The following PCDH15 variants were observed in gnomAD, a reference collection of about 807,000 sequenced individuals.
The protein encoded by PCDH15 is protocadherin related 15, also known as protocadherin-15.
Under a neutral mutation model 178.5 loss-of-function variants are expected in PCDH15, and 129 were observed. The observed-to-expected ratio is 0.72, with a 90% confidence interval of 0.63 to 0.84. The LOEUF is 0.84. Among genes scored for constraint, PCDH15 ranks in the 40% least tolerant of loss-of-function variants. PCDH15 has a pLI of 0.00. For synonymous variants in PCDH15, 800 were observed against 732.0 expected (o/e 1.09, Z -1.50); for missense variants, 2,230 against 2,099.9 (o/e 1.06, Z -1.21).
In PCDH15 at chr10:54,242,187, T is replaced by TAC. The variant is rs71007827; in HGVS notation, c.877-5258_877-5257dup. Among the ~76,000 whole-genome samples, 714 of 76,704 alleles carry TAC rather than the reference T, an allele frequency of 9.3e-3. 32 individuals carry two copies. The highest frequency in any genetic ancestry group is 0.027 in the Middle Eastern group (3 of 112). 50.3% of individuals were successfully genotyped at this position (76,704 alleles called of 152,430 possible). A position where few individuals can be genotyped will look rare whatever the true frequency, so the allele number is the denominator to read the frequency against. On this transcript the variant is annotated intron_variant, in intron 8 of 37. Transcript: ENST00000644397. ...ATATATATATATATATATATATATA[T>TAC]ACACACACACACATACATACATACA...
chr10:55,334,802 A>T (rs1844335307), intron 2 of PCDH15, among the ~76,000 whole-genome samples: 1 of 152,292 alleles, frequency 6.6e-6, no homozygotes, highest in South Asian at 2.1e-4. Flanking sequence ...ACATTTTTAA[A>T]ACATGGCTCT....
intron 1 of PCDH15, among the ~76,000 whole-genome samples, chr10:55,290,351 T>G (rs1176212446): frequency 6.7e-6 from 1 of 150,304 alleles, no homozygotes; most frequent in Non-Finnish European, 1.5e-5. Flanking sequence ...GGGATAATGT[T>G]TAGAGATCAC....
chr10:55,477,969 A>G (rs1459840338), intron 2 of PCDH15, among the ~76,000 whole-genome samples: 1 of 151,880 alleles, frequency 6.6e-6, no homozygotes, highest in African/African-American at 2.4e-5. Context: ...ACACAAATAG[A>G]CTGAAATTGA....
intron 2 of PCDH15, among the ~76,000 whole-genome samples, chr10:54,953,883 GTTTC>G (rs1208413979): frequency 6.6e-6 from 1 of 150,836 alleles, no homozygotes; most frequent in Non-Finnish European, 1.5e-5. Flanking sequence ...TATTATCTAA[GTTTC>G]TTTCTAGCAT....
chr10:54,088,564 A>G (rs1172028995), intron 16 of PCDH15, among the ~76,000 whole-genome samples: 1 of 152,166 alleles, frequency 6.6e-6, no homozygotes, highest in African/African-American at 2.4e-5. Flanking sequence ...GACCCAATTT[A>G]TCAATTTTAT....
intron 8 of PCDH15, among the ~76,000 whole-genome samples, chr10:54,257,405 T>TC (rs1163711942): frequency 1.4e-5 from 2 of 146,540 alleles, no homozygotes; most frequent in Non-Finnish European, 1.5e-5. Context: ...ATTGTCTTCT[T>TC]TTTTTTTTTT....
At chr10:55,217,714 T>A (rs1380406185) in intron 1 of PCDH15, among the ~76,000 whole-genome samples, 1 of 151,922 alleles carries the variant, frequency 6.6e-6, no homozygotes, top group Non-Finnish European at 1.5e-5. Context: ...GATACTTCTG[T>A]TAAATGACAC....
intron 1 of PCDH15, among the ~76,000 whole-genome samples, chr10:54,772,857 A>G (rs57104086): frequency 0.03 from 4,523 of 152,286 alleles, 192 homozygotes; most frequent in African/African-American, 0.1. Context: ...AAAGACATTG[A>G]ATCAACATAA....
intron 3 of PCDH15, among the ~76,000 whole-genome samples, chr10:54,413,494 C>T (rs11004285): frequency 0.47 from 71,530 of 151,808 alleles, 17,559 homozygotes; most frequent in Non-Finnish European, 0.53. Flanking sequence ...TTAGTGCTAG[C>T]TCATTCTCTA....
chr10:55,272,121 A>G (rs1449330628), intron 1 of PCDH15, among the ~76,000 whole-genome samples: 2 of 152,054 alleles, frequency 1.3e-5, no homozygotes, highest in African/African-American at 2.4e-5. Context: ...GCACATAAGA[A>G]TAGTAGGGAA....
chr10:53,963,824 C>T lies in PCDH15; in HGVS notation c.2869-1932G>A, dbSNP rs576666086. ...TATAGGCCCTAATGTCTTCTCATATCCTCTGTGTTTTCTGTAGTAGACTCT... is the reference window on the plus strand; with the variant it reads ...TATAGGCCCTAATGTCTTCTCATATTCTCTGTGTTTTCTGTAGTAGACTCT... On this transcript the variant is annotated intron_variant, in intron 21 of 37. Transcript: ENST00000644397. 2.0e-5 allele frequency among the ~76,000 whole-genome samples: 3 copies of T among 152,178 alleles called. No individual in the cohort carries two copies. The East Asian group carries it at 5.8e-4, about 29-fold the overall frequency.
intron 1 of PCDH15, among the ~76,000 whole-genome samples, chr10:54,729,425 T>A (rs887356291): frequency 1.3e-5 from 2 of 151,384 alleles, no homozygotes; most frequent in South Asian, 4.1e-4. Flanking sequence ...GATTTAAGAC[T>A]TAAATGAAAA....
intron 6 of PCDH15, among the ~76,000 whole-genome samples, chr10:54,329,975 C>T (rs568050485): frequency 1.3e-5 from 2 of 151,900 alleles, no homozygotes; most frequent in African/African-American, 4.8e-5. Context: ...TATTCATCAA[C>T]AGTCTTGGAA....
chr10:53,992,246 G>A (rs959428928), intron 21 of PCDH15, among the ~76,000 whole-genome samples: 1 of 152,070 alleles, frequency 6.6e-6, no homozygotes, highest in African/African-American at 2.4e-5. Flanking sequence ...CCCACCAGAA[G>A]GAAGAAACTC....
At chr10:54,050,703 A>G (rs1339362853) in intron 18 of PCDH15, among the ~76,000 whole-genome samples, 5 of 152,026 alleles carry the variant, frequency 3.3e-5, no homozygotes, top group Admixed American at 3.3e-4. Context: ...TGATGTATGT[A>G]TTTAGCACTA....
At chr10:54,419,022 A>G (rs1051206255) in intron 3 of PCDH15, among the ~76,000 whole-genome samples, 2 of 152,062 alleles carry the variant, frequency 1.3e-5, no homozygotes, top group African/African-American at 4.8e-5. Flanking sequence ...AAGTACATCA[A>G]TAAAAATTTT....
At chr10:55,467,966 C>CAAAAAAAAAAAAAAAA (rs71463104) in intron 2 of PCDH15, among the ~76,000 whole-genome samples, 565 of 36,584 alleles carry the variant, frequency 0.015, 54 homozygotes, top group African/African-American at 0.028. Flanking sequence ...GACTCCGTCT[C>CAAAAAAAAAAAAAAAA]AAAAAAAAAA....
chr10:55,584,015 C>A (rs1388238265), intron 2 of PCDH15, among the ~76,000 whole-genome samples: 1 of 151,876 alleles, frequency 6.6e-6, no homozygotes, highest in Non-Finnish European at 1.5e-5. Context: ...GTAGCTGGGA[C>A]TACAGGGTCA....
intron 2 of PCDH15, among the ~76,000 whole-genome samples, chr10:54,988,398 C>T (rs1203753837): frequency 1.3e-5 from 2 of 152,026 alleles, no homozygotes; most frequent in East Asian, 1.9e-4. Context: ...TGGAACAGTT[C>T]GGAGGGCTCA....
Sources: allele counts gnomAD v4.1 joint callset (sites outside exome capture counted in the v4.1 genomes callset), GRCh38; gene constraint gnomAD v4.1.1; transcripts MANE v1.5; gene names NCBI Gene and HGNC (gene_info 2026-07-23, HGNC 2026-07-21).